The following NF1 variants were observed in gnomAD, a reference collection of about 807,000 sequenced individuals.
NF1 encodes neurofibromin 1, also known as neurofibromin.
In NF1, 122 loss-of-function variants were observed where a neutral mutation model predicts 325.7. The ratio of observed to expected loss-of-function variants is 0.37; its 90% CI spans 0.32 to 0.44. NF1 has a LOEUF of 0.44. NF1 is among the 20% of genes least tolerant of loss of function. The pLI, the probability that NF1 is intolerant of heterozygous loss-of-function variation, is 1.00. For synonymous variants in NF1, 1,091 were observed against 1,186.0 expected, an observed-to-expected ratio of 0.92 and a Z score of 1.65; for missense variants, 2,140 against 3,415.4, an observed-to-expected ratio of 0.63 and a Z score of 9.31.
chr17:31,239,858 G>A (rs1050960656), intron 29 of NF1, among the ~76,000 whole-genome samples: 34 of 152,140 alleles, frequency 2.2e-4, no homozygotes, highest in African/African-American at 8.2e-4. Context: ...CGCCTCCCAT[G>A]TTCAAGCAAT....
intron 5 of NF1, among the ~76,000 whole-genome samples, chr17:31,174,786 G>A (rs984900512): frequency 1.3e-5 from 2 of 152,092 alleles, no homozygotes; most frequent in Non-Finnish European, 2.9e-5. Flanking sequence ...TGTTTTAATA[G>A]TTTGTGTAAT....
At chr17:31,141,426 C>T (rs1387468962) in intron 1 of NF1, among the ~76,000 whole-genome samples, 5 of 151,492 alleles carry the variant, frequency 3.3e-5, no homozygotes, top group African/African-American at 7.3e-5. Context: ...TTTCTTACTA[C>T]GGTGTTGGTA....
chr17:31,184,233 C>T (rs531778713), intron 8 of NF1, among the ~76,000 whole-genome samples: 7 of 152,232 alleles, frequency 4.6e-5, no homozygotes, highest in South Asian at 2.1e-4. Context: ...CCTGATTCAC[C>T]GCTAATGAGA....
At chr17:31,278,406 G>GT (rs2068048134) in intron 36 of NF1, among the ~76,000 whole-genome samples, 1 of 66,058 alleles carries the variant, frequency 1.5e-5, no homozygotes, top group Admixed American at 1.5e-4. Context: ...GGATTTTTTG[G>GT]GTTTTTTTTT....
intron 1 of NF1, among the ~76,000 whole-genome samples, chr17:31,104,589 T>C (rs1444265259): frequency 2.6e-5 from 4 of 152,236 alleles, no homozygotes; most frequent in Admixed American, 2.6e-4. Flanking sequence ...TACCCCATTT[T>C]CTTGGGGGCG....
At chr17:31,131,404 G>C (rs552663127) in intron 1 of NF1, among the ~76,000 whole-genome samples, 1 of 152,184 alleles carries the variant, frequency 6.6e-6, no homozygotes, top group South Asian at 2.1e-4. Flanking sequence ...GTCACTGGGG[G>C]CCAGGAAAAA....
chr17:31,108,648 C>G (rs1353876307), intron 1 of NF1, among the ~76,000 whole-genome samples: 1 of 152,152 alleles, frequency 6.6e-6, no homozygotes, highest in East Asian at 1.9e-4. Flanking sequence ...CATCCGTATT[C>G]CTACCCATTT....
At chr17:31,119,893 C>G (rs913111176) in intron 1 of NF1, among the ~76,000 whole-genome samples, 2 of 152,238 alleles carry the variant, frequency 1.3e-5, no homozygotes, top group African/African-American at 4.8e-5. Context: ...TTGTTTTTGT[C>G]AGGTTTGTCA....
intron 1 of NF1, among the ~76,000 whole-genome samples, chr17:31,154,179 C>T (rs895496531): frequency 5.3e-5 from 8 of 150,826 alleles, no homozygotes; most frequent in Non-Finnish European, 1.0e-4. Flanking sequence ...CCTCAGCCTC[C>T]CTAGTAGCTG....
chr17:31,149,400 G>A (rs574352567), intron 1 of NF1, among the ~76,000 whole-genome samples: 39 of 152,138 alleles, frequency 2.6e-4, no homozygotes, highest in African/African-American at 8.7e-4. Flanking sequence ...CTGGGTTGAA[G>A]CAATTATCAT....
In NF1 at chr17:31,304,483, G is replaced by T. The variant is rs759239594; in HGVS notation, c.4836-21337G>T. The T allele has an allele frequency of 2.1e-5, 34 of 1,614,046 alleles. No homozygotes were observed. Among genetic ancestry groups the T allele is most frequent in the African/African-American group, 2.7e-5 (2 of 74,932 alleles). On this transcript the variant is annotated intron_variant, in intron 36 of 57. Coordinates refer to ENST00000358273, the MANE Select transcript of NF1 (RefSeq NM_001042492.3). Reference sequence around the variant, plus strand: ...ACAGTCTTGATTGAGACAGTCCAGAGATGGAGGGAGACTAGTAGAATCATT... The same window carrying T: ...ACAGTCTTGATTGAGACAGTCCAGATATGGAGGGAGACTAGTAGAATCATT...
intron 36 of NF1, among the ~76,000 whole-genome samples, chr17:31,298,902 A>G (rs1485170061): frequency 6.6e-6 from 1 of 152,130 alleles, no homozygotes; most frequent in Non-Finnish European, 1.5e-5. Context: ...TCATTAAGTC[A>G]GTGTAGAAGT....
intron 11 of NF1, among the ~76,000 whole-genome samples, chr17:31,203,711 A>G (rs569234186): frequency 1.3e-5 from 2 of 152,168 alleles, no homozygotes; most frequent in South Asian, 2.1e-4. Flanking sequence ...TTTTTTTTCT[A>G]ATGATTCTTG....
rs538650996 is a variant in NF1 at position 31,294,724 on chromosome 17, T to G, written c.4835+29385T>G. The G allele has an allele frequency of 1.1e-5, 5 of 460,004 alleles. No homozygotes were observed. The East Asian group carries it at 1.3e-4, about 12-fold the overall frequency. The allele number at this position is 460,004 out of a possible 1,614,324, so 28.5% of individuals were successfully genotyped here. On this transcript the variant is annotated intron_variant, in intron 36 of 57. Transcript: ENST00000358273. Reference sequence around the variant, plus strand: ...AAAATACATATTAAAGTTTAGATGCTTTATATTTTGTGCAATAAATTGAAG... The same window carrying G: ...AAAATACATATTAAAGTTTAGATGCGTTATATTTTGTGCAATAAATTGAAG...
At chr17:31,322,501 CAAAAAAAAAAAAAAAAAA>C (rs573045083) in intron 36 of NF1, among the ~76,000 whole-genome samples, 10 of 44,802 alleles carry the variant, frequency 2.2e-4, no homozygotes, top group South Asian at 1.9e-3. Context: ...GACTCTGTCT[CAAAAAAAAAAAAAAAAAA>C]AAAAAAAAAA....
intron 8 of NF1, among the ~76,000 whole-genome samples, chr17:31,197,396 T>G (rs1326608360): frequency 6.6e-6 from 1 of 150,768 alleles, no homozygotes; most frequent in Non-Finnish European, 1.5e-5. Flanking sequence ...TGATAGGGAT[T>G]GCATTGAATC....
At chr17:31,194,737 A>G (rs1468526471) in intron 8 of NF1, among the ~76,000 whole-genome samples, 5 of 152,134 alleles carry the variant, frequency 3.3e-5, no homozygotes, top group African/African-American at 4.8e-5. Flanking sequence ...GATAGTTTCT[A>G]TGTTATTTAA....
chr17:31,197,801 T>G (rs2066460602), intron 8 of NF1, among the ~76,000 whole-genome samples: 1 of 152,224 alleles, frequency 6.6e-6, no homozygotes, highest in Non-Finnish European at 1.5e-5. Flanking sequence ...CATCTTTTTC[T>G]TGCCTACTTG....
At chr17:31,146,618 G>A (rs1373415680) in intron 1 of NF1, among the ~76,000 whole-genome samples, 1 of 152,238 alleles carries the variant, frequency 6.6e-6, no homozygotes, top group Non-Finnish European at 1.5e-5. Context: ...TCAATTGGAA[G>A]TTAATCAGCT....
Sources: gnomAD v4.1 joint callset for allele counts (sites outside exome capture counted in the v4.1 genomes callset) on GRCh38, gnomAD v4.1.1 for gene constraint, MANE v1.5 for transcripts, NCBI Gene and HGNC (gene_info 2026-07-23, HGNC 2026-07-21) for gene names.